The following LRP1B variants were observed in gnomAD, a reference collection of about 807,000 sequenced individuals.
LRP1B encodes the protein LDL receptor related protein 1B.
A neutral mutation model predicts 556.6 loss-of-function variants in LRP1B; 217 were observed. That is an observed-to-expected ratio of 0.39 (90% CI 0.35 to 0.44). The LOEUF (loss-of-function observed/expected upper bound fraction) is 0.44, where lower values mean the gene tolerates loss of function less well. Ranked by LOEUF, LRP1B falls within the 20% of genes least tolerant of loss-of-function variation. The pLI is 1.00. For synonymous variants in LRP1B, 2,047 were observed against 1,865.8 expected (o/e 1.10, Z -2.50); for missense variants, 5,053 against 5,620.8 (o/e 0.90, Z 3.23).
intron 3 of LRP1B, among the ~76,000 whole-genome samples, chr2:141,463,875 T>C (rs1573973716): frequency 1.2e-5 from 1 of 85,210 alleles, no homozygotes. Context: ...ATATAATATA[T>C]ATCATTTTAT....
chr2:142,001,297 A>G (rs1702646274), intron 1 of LRP1B, among the ~76,000 whole-genome samples: 1 of 152,224 alleles, frequency 6.6e-6, no homozygotes, highest in Non-Finnish European at 1.5e-5. Context: ...GCTTAAACAC[A>G]GCTCCATATC....
At position 140,457,576 on chromosome 2, in the gene LRP1B, G is replaced by A; in HGVS notation, c.9701C>T (p.Thr3234Ile). ...TTTATGGGCACGGCTGAGTGACTTG[G>A]TTTTCCCATCAGTCCAGTAGATGTA... is the stretch of plus-strand genomic sequence containing the variant. Reference protein sequence around the residue: ...EDYIYWTDGKTKSLSRAHKTS... With the variant: ...EDYIYWTDGKIKSLSRAHKTS... Residue 3234 changes from threonine to isoleucine, a missense_variant, in exon 61 of 91, where the codon ACC becomes ATC. Coordinates refer to ENST00000389484, the MANE Select transcript of LRP1B (RefSeq NM_018557.3). 6.2e-7 allele frequency: 1 copy of A among 1,613,816 alleles called. No homozygotes were observed.
intron 1 of LRP1B, among the ~76,000 whole-genome samples, chr2:142,073,378 C>T (rs1212035624): frequency 1.3e-5 from 2 of 151,946 alleles, no homozygotes; most frequent in African/African-American, 4.8e-5. Context: ...CTAATACTAC[C>T]TTTCATACAG....
intron 89 of LRP1B, 37 bp downstream of exon 89, chr2:140,238,115 G>A (rs779227184): frequency 2.3e-5 from 36 of 1,536,570 alleles, no homozygotes; most frequent in South Asian, 3.8e-5. Context: ...ACTCAAGAAT[G>A]TTAGTGCTCA....
At chr2:140,674,235 C>T (rs2105364974) in intron 41 of LRP1B, among the ~76,000 whole-genome samples, 1 of 152,260 alleles carries the variant, frequency 6.6e-6, no homozygotes, top group South Asian at 2.1e-4. Context: ...CAGGCATGAA[C>T]CACTGCCTGA....
At chr2:141,568,285 A>G (rs1686405466) in intron 2 of LRP1B, among the ~76,000 whole-genome samples, 1 of 151,096 alleles carries the variant, frequency 6.6e-6, no homozygotes, top group Non-Finnish European at 1.5e-5. Flanking sequence ...ATTTATATAC[A>G]GTTTTCAAAA....
At position 140,989,542 on chromosome 2, in the gene LRP1B, T is replaced by G; in HGVS notation, c.2760A>C (p.Gln920His). The change falls in exon 17 of 91, where the codon CAA (glutamine) becomes CAC (histidine). Residue 920 changes from glutamine (Q) to histidine (H), a missense_variant. Around this residue, in one of 5 missense-constraint regions of LRP1B, gnomAD observed 3,619 missense variants for 3,931.9 expected, o/e 0.92. Transcript: ENST00000389484. ...DCGSNEDESN[Q>H]TCTARTCQVD... is the part of the protein sequence containing the mutation. Reference sequence around the variant, plus strand: ...CAAGCAAACCTTTACCTGTGCAAGTTTGATTGGATTCATCTTCATTGCTCC... The same window carrying G: ...CAAGCAAACCTTTACCTGTGCAAGTGTGATTGGATTCATCTTCATTGCTCC... 6 of 1,613,090 alleles carry G rather than the reference T, an allele frequency of 3.7e-6. No individual in the cohort carries two copies. Among genetic ancestry groups the G allele is most frequent in the Non-Finnish European group, 5.1e-6 (6 of 1,179,326 alleles).
chr2:140,513,757 T>C (rs1689764116), intron 51 of LRP1B, among the ~76,000 whole-genome samples: 1 of 151,954 alleles, frequency 6.6e-6, no homozygotes, highest in African/African-American at 2.4e-5. Flanking sequence ...TTAAAAGAGG[T>C]GTTAAGTATA....
At chr2:140,253,198 C>A (rs1403876370) in intron 86 of LRP1B, among the ~76,000 whole-genome samples, 1 of 151,936 alleles carries the variant, frequency 6.6e-6, no homozygotes, top group Non-Finnish European at 1.5e-5. Context: ...CATTTGTTAA[C>A]TAATACTGAT....
At chr2:141,766,213 C>G (rs1694728105) in intron 2 of LRP1B, among the ~76,000 whole-genome samples, 1 of 152,076 alleles carries the variant, frequency 6.6e-6, no homozygotes, top group Non-Finnish European at 1.5e-5. Context: ...GGTCAGACTA[C>G]TTGAAGATAA....
intron 7 of LRP1B, among the ~76,000 whole-genome samples, chr2:141,133,976 C>T (rs1701426361): frequency 6.6e-6 from 1 of 151,842 alleles, no homozygotes; most frequent in South Asian, 2.1e-4. Context: ...CTCCCAAACA[C>T]ACATAGAACA....
intron 75 of LRP1B, 95 bp downstream of exon 75, chr2:140,356,247 G>T: frequency 7.9e-7 from 1 of 1,265,228 alleles, no homozygotes; most frequent in Non-Finnish European, 1.1e-6. Flanking sequence ...CCATTTTGAT[G>T]AAAGTCAATC....
rs72981089 is a variant in LRP1B, at chr2:141,060,072, T to C, written c.1237-1018A>G. Among the ~76,000 whole-genome samples the C allele has an allele frequency of 8.2e-3, 1,246 of 151,920 alleles. 9 individuals carry two copies. The highest frequency in any genetic ancestry group is 0.028 in the African/African-American group (1,183 of 41,530). ...TGCGGTTTGATTATAAAAATACTTA[T>C]AGAACAAAATCACAAAATTTTCTAT... On this transcript the variant is annotated intron_variant, in intron 8 of 90. Coordinates refer to ENST00000389484, the MANE Select transcript of LRP1B (RefSeq NM_018557.3).
chr2:141,401,237 C>A (rs1426767841), intron 3 of LRP1B, among the ~76,000 whole-genome samples: 2 of 152,198 alleles, frequency 1.3e-5, no homozygotes, highest in South Asian at 4.1e-4. Flanking sequence ...TATCTCCTTA[C>A]AATTGTTATG....
chr2:140,598,799 T>C lies in LRP1B; in HGVS notation c.7026A>G (p.Pro2342=). ...MFWTNWNEQH[P]SIMRSTLTGK... ...CAGTCAGAGTAGATCTCATGATACT[T>C]GGATGTTGTTCATTCCAGTTGGTCC... Residue 2342 remains proline (P), a synonymous_variant, in exon 43 of 91, where the codon CCA becomes CCG. Transcript: ENST00000389484. 1 of 1,610,866 alleles carries C rather than the reference T, an allele frequency of 6.2e-7. No homozygotes were observed. The highest frequency in any genetic ancestry group is 8.5e-7 in the Non-Finnish European group (1 of 1,177,340).
At chr2:140,474,061 A>G (rs968948996) in intron 60 of LRP1B, among the ~76,000 whole-genome samples, 1 of 151,950 alleles carries the variant, frequency 6.6e-6, no homozygotes, top group Non-Finnish European at 1.5e-5. Context: ...GACTCATCCA[A>G]CTACACTCTT....
chr2:140,665,635 T>C (rs936020058), intron 41 of LRP1B, among the ~76,000 whole-genome samples: 4 of 152,188 alleles, frequency 2.6e-5, no homozygotes, highest in African/African-American at 9.6e-5. Flanking sequence ...AATGAAAACA[T>C]ATTTCAATTT....
chr2:140,584,789 T>G (rs751040843), intron 43 of LRP1B, among the ~76,000 whole-genome samples: 7 of 152,158 alleles, frequency 4.6e-5, no homozygotes, highest in Non-Finnish European at 7.4e-5. Flanking sequence ...TTAAGCCTAC[T>G]GCAATATCAT....
At chr2:141,946,866 G>A (rs1700967739) in intron 1 of LRP1B, among the ~76,000 whole-genome samples, 1 of 151,950 alleles carries the variant, frequency 6.6e-6, no homozygotes, top group Non-Finnish European at 1.5e-5. Flanking sequence ...CGATATTAGC[G>A]ATATGGTAAA....
Sources: allele counts gnomAD v4.1 joint callset (sites outside exome capture counted in the v4.1 genomes callset), GRCh38; gene constraint gnomAD v4.1.1; regional missense constraint gnomAD v4.1.1; transcripts MANE v1.5; gene names NCBI Gene and HGNC (gene_info 2026-07-23, HGNC 2026-07-21).